The following ST8SIA1 variants were observed in gnomAD, a reference collection of about 807,000 sequenced individuals.
The protein encoded by ST8SIA1 is alpha-N-acetylneuraminide alpha-2,8-sialyltransferase.
ST8SIA1 carries 16 observed loss-of-function variants against 35.9 expected under a neutral mutation model. The observed-to-expected ratio is 0.45, with a 90% CI of 0.30 to 0.68. The LOEUF (loss-of-function observed/expected upper bound fraction) is 0.68. Ranked by LOEUF, ST8SIA1 falls within the 30% of genes least tolerant of loss-of-function variation. The pLI, the probability that ST8SIA1 is intolerant of heterozygous loss-of-function variation, is 0.09. For synonymous variants in ST8SIA1, 170 were observed against 169.6 expected (o/e 1.00, Z -0.02); for missense variants, 383 against 453.6 (o/e 0.84, Z 1.41).
At chr12:22,238,168 C>CCA (rs1047426379) in intron 4 of ST8SIA1, among the ~76,000 whole-genome samples, 2 of 151,654 alleles carry the variant, frequency 1.3e-5, no homozygotes, top group African/African-American at 4.9e-5. Context: ...AGAACTCCCC[C>CCA]CCCAACAAGA....
At chr12:22,277,425 G>A (rs1865982327) in intron 2 of ST8SIA1, among the ~76,000 whole-genome samples, 1 of 148,614 alleles carries the variant, frequency 6.7e-6, no homozygotes, top group Non-Finnish European at 1.5e-5. Flanking sequence ...GGAGTGCAGT[G>A]GTGTGATTTT....
chr12:22,215,551 T>C (rs781072360), intron 4 of ST8SIA1, among the ~76,000 whole-genome samples: 1 of 152,140 alleles, frequency 6.6e-6, no homozygotes, highest in Non-Finnish European at 1.5e-5. Flanking sequence ...TTGTTTAGGG[T>C]GACATTTTAA....
chr12:22,221,887 C>T (rs1216822431), intron 4 of ST8SIA1, among the ~76,000 whole-genome samples: 1 of 152,038 alleles, frequency 6.6e-6, no homozygotes, highest in Admixed American at 6.6e-5. Context: ...TAACGAATTG[C>T]ATATGTTACA....
At chr12:22,207,321 G>A (rs1865122892) in intron 4 of ST8SIA1, among the ~76,000 whole-genome samples, 1 of 152,218 alleles carries the variant, frequency 6.6e-6, no homozygotes, top group African/African-American at 2.4e-5. Flanking sequence ...CGATATGTCT[G>A]GACTGAGAGG....
intron 1 of ST8SIA1, among the ~76,000 whole-genome samples, chr12:22,329,425 T>C (rs1565598557): frequency 6.6e-6 from 1 of 152,316 alleles, no homozygotes; most frequent in Non-Finnish European, 1.5e-5. Context: ...TAGTGATTGA[T>C]TTTTGCTATT....
At chr12:22,241,258 C>A (rs1865537534) in intron 4 of ST8SIA1, among the ~76,000 whole-genome samples, 1 of 152,100 alleles carries the variant, frequency 6.6e-6, no homozygotes, top group Non-Finnish European at 1.5e-5. Context: ...GAATTGTAAT[C>A]CCCAATGTTG....
intron 3 of ST8SIA1, among the ~76,000 whole-genome samples, chr12:22,252,834 T>C (rs1865689287): frequency 6.6e-6 from 1 of 152,216 alleles, no homozygotes; most frequent in South Asian, 2.1e-4. Flanking sequence ...CACAAATGGA[T>C]GACACACACA....
chr12:22,266,671 C>T (rs933860436), intron 2 of ST8SIA1, among the ~76,000 whole-genome samples: 1 of 151,792 alleles, frequency 6.6e-6, no homozygotes, highest in Non-Finnish European at 1.5e-5. Context: ...ATGGCATGGA[C>T]GTGTAGTCCC....
intron 4 of ST8SIA1, among the ~76,000 whole-genome samples, chr12:22,219,691 G>A (rs1865275380): frequency 6.6e-6 from 1 of 152,182 alleles, no homozygotes; most frequent in Non-Finnish European, 1.5e-5. Context: ...AAAGCAGCTA[G>A]AGAGTGTATT....
intron 1 of ST8SIA1, among the ~76,000 whole-genome samples, chr12:22,323,572 A>G (rs1199617163): frequency 6.6e-6 from 1 of 152,264 alleles, no homozygotes; most frequent in Non-Finnish European, 1.5e-5. Flanking sequence ...TCACTGCAGC[A>G]CTATTCACAA....
intron 4 of ST8SIA1, among the ~76,000 whole-genome samples, chr12:22,216,184 C>T (rs527784411): frequency 1.3e-5 from 2 of 152,120 alleles, no homozygotes; most frequent in South Asian, 4.1e-4. Context: ...TTTAACAGAT[C>T]GGTCTCTAAC....
At chr12:22,241,304 G>T (rs1865538124) in intron 4 of ST8SIA1, among the ~76,000 whole-genome samples, 1 of 152,042 alleles carries the variant, frequency 6.6e-6, no homozygotes, top group Admixed American at 6.6e-5. Flanking sequence ...TGGATTATGG[G>T]GACGATTTCT....
In ST8SIA1 at chr12:22,249,687, A is replaced by G. The variant is rs1865647832; in HGVS notation, c.492-589T>C. Among the ~76,000 whole-genome samples, 3 of 152,204 alleles carry G rather than the reference A, an allele frequency of 2.0e-5. 1 individual carries two copies. The South Asian group carries it at 6.2e-4, about 32-fold the overall frequency. On this transcript the variant is annotated intron_variant, in intron 3 of 4. Transcript: ENST00000396037. ...CAGCCAAAGGGGCAAATTATCTACA[A>G]AAAGAAAGAGACAGTAACTAGGAGG...
At chr12:22,289,832 A>G (rs1866153044) in intron 1 of ST8SIA1, among the ~76,000 whole-genome samples, 1 of 152,180 alleles carries the variant, frequency 6.6e-6, no homozygotes, top group Non-Finnish European at 1.5e-5. Flanking sequence ...TCGCTTTCAT[A>G]TTTGTTTCCT....
intron 2 of ST8SIA1, among the ~76,000 whole-genome samples, chr12:22,261,205 C>T (rs1011242171): frequency 1.6e-4 from 24 of 151,954 alleles, no homozygotes; most frequent in African/African-American, 2.9e-4. Context: ...AGTGCAGTGC[C>T]GCAATCTTGG....
intron 2 of ST8SIA1, among the ~76,000 whole-genome samples, chr12:22,263,734 T>A (rs1238136313): frequency 6.6e-6 from 1 of 152,188 alleles, no homozygotes; most frequent in Admixed American, 6.5e-5. Context: ...TTCCTTGTCA[T>A]GTAATTGTGT....
intron 2 of ST8SIA1, among the ~76,000 whole-genome samples, chr12:22,284,116 G>A (rs748174955): frequency 2.0e-5 from 3 of 152,106 alleles, no homozygotes; most frequent in Admixed American, 2.0e-4. Flanking sequence ...AGGACCTGTT[G>A]CCATTCCCTA....
intron 1 of ST8SIA1, among the ~76,000 whole-genome samples, chr12:22,300,877 T>C (rs1157300046): frequency 6.6e-6 from 1 of 152,162 alleles, no homozygotes; most frequent in African/African-American, 2.4e-5. Flanking sequence ...AGTTGACATA[T>C]TTGACGTATT....
At chr12:22,253,948 C>T (rs1392377715) in intron 3 of ST8SIA1, among the ~76,000 whole-genome samples, 1 of 152,226 alleles carries the variant, frequency 6.6e-6, no homozygotes, top group East Asian at 1.9e-4. Context: ...ACTCTTCCCT[C>T]TCCCACTTAG....
Sources: allele counts gnomAD v4.1 joint callset (sites outside exome capture counted in the v4.1 genomes callset), GRCh38; gene constraint gnomAD v4.1.1; transcripts MANE v1.5; gene names NCBI Gene and HGNC (gene_info 2026-07-23, HGNC 2026-07-21).